CNIH3: variants seen among roughly 807,000 people sequenced by gnomAD.
The protein encoded by CNIH3 is protein cornichon homolog 3.
In CNIH3, 14 loss-of-function variants were observed where a neutral mutation model predicts 24.1. The ratio of observed to expected loss-of-function variants is 0.58; its 90% CI spans 0.38 to 0.91. The LOEUF (loss-of-function observed/expected upper bound fraction) is 0.91. Among genes scored for constraint, CNIH3 ranks in the 40% least tolerant of loss-of-function variants. The pLI, the probability that CNIH3 is intolerant of heterozygous loss-of-function variation, is 0.00. For missense variants in CNIH3, 178 were observed against 196.8 expected, an observed-to-expected ratio of 0.90 and a Z score of 0.57; for synonymous variants, 68 against 73.8, an observed-to-expected ratio of 0.92 and a Z score of 0.40.
At chr1:224,452,602 A>T (rs1329484144) in intron 1 of CNIH3, among the ~76,000 whole-genome samples, 1 of 151,156 alleles carries the variant, frequency 6.6e-6, no homozygotes, top group Non-Finnish European at 1.5e-5. Context: ...TAACACGGTG[A>T]AACCCCGTCT....
chr1:224,692,402 C>T (rs1384666476), intron 3 of CNIH3, among the ~76,000 whole-genome samples: 11 of 152,154 alleles, frequency 7.2e-5, no homozygotes, highest in African/African-American at 2.7e-4. Context: ...TTCTTTTTAG[C>T]TGTTAATACG....
chr1:224,584,184 T>C (rs1350739375), intron 5 of CNIH3, among the ~76,000 whole-genome samples: 1 of 152,236 alleles, frequency 6.6e-6, no homozygotes, highest in Non-Finnish European at 1.5e-5. Flanking sequence ...AAATCTCAGC[T>C]TGAGTTTTGT....
chr1:224,488,477 G>A (rs1340990599), intron 1 of CNIH3, among the ~76,000 whole-genome samples: 1 of 124,594 alleles, frequency 8.0e-6, no homozygotes, highest in Non-Finnish European at 1.6e-5. Context: ...GGGGGGTGGG[G>A]GGGAACAGAG....
intron 1 of CNIH3, among the ~76,000 whole-genome samples, chr1:224,639,956 T>A (rs774596703): frequency 6.6e-6 from 1 of 152,224 alleles, no homozygotes. Context: ...TATTGAGTTA[T>A]GATTTTGCCT....
At chr1:224,436,171 T>C (rs982431372) in intron 1 of CNIH3, among the ~76,000 whole-genome samples, 1 of 152,202 alleles carries the variant, frequency 6.6e-6, no homozygotes, top group Non-Finnish European at 1.5e-5. Flanking sequence ...AGGTGGCAGC[T>C]GTAATTGCAA....
intron 2 of CNIH3, among the ~76,000 whole-genome samples, chr1:224,531,045 CG>C (rs1200653811): frequency 6.6e-6 from 1 of 152,106 alleles, no homozygotes; most frequent in Non-Finnish European, 1.5e-5. Context: ...GGGTTCAGGG[CG>C]TAGGGCCTCT....
At chr1:224,600,348 C>T (rs1682155415) in intron 3 of CNIH3, among the ~76,000 whole-genome samples, 1 of 152,080 alleles carries the variant, frequency 6.6e-6, no homozygotes, top group African/African-American at 2.4e-5. Flanking sequence ...CACCACCATG[C>T]CTGGCTAATT....
intron 4 of CNIH3, among the ~76,000 whole-genome samples, chr1:224,731,463 C>T (rs1052110480): frequency 2.0e-5 from 3 of 152,104 alleles, no homozygotes; most frequent in Admixed American, 6.6e-5. Context: ...AAGGTATTTG[C>T]GCAGATAAGT....
At chr1:224,691,138 C>T (rs1686912096) in intron 3 of CNIH3, among the ~76,000 whole-genome samples, 1 of 152,238 alleles carries the variant, frequency 6.6e-6, no homozygotes, top group Admixed American at 6.5e-5. Context: ...CCTCCCCTCT[C>T]TCCAGGACTG....
chr1:224,730,509 C>G lies in CNIH3; in HGVS notation c.246C>G (p.Phe82Leu). 6.4e-7 allele frequency: 1 copy of G among 1,562,078 alleles called. No individual in the cohort carries two copies. The highest frequency in any genetic ancestry group is 8.7e-7 in the Non-Finnish European group (1 of 1,151,636). ...TCCATAGCCTCTTCTGCATTATGTT[C>G]CTGTGTGCGCAAGAGTGGCTCACGC... ...YSIHSLFCIM[F>L]LCAQEWLTLG... Residue 82 changes from phenylalanine (F) to leucine (L), a missense_variant, in exon 4 of 6, where the codon TTC (phenylalanine) becomes TTG (leucine). Phe to Leu is a conservative substitution (Grantham distance 22). Transcript: ENST00000272133.
chr1:224,481,215 C>T (rs997262994), intron 1 of CNIH3, among the ~76,000 whole-genome samples: 5 of 152,216 alleles, frequency 3.3e-5, no homozygotes, highest in African/African-American at 1.2e-4. Flanking sequence ...TGGGAAAGAC[C>T]TGCCCCTATG....
chr1:224,589,317 A>G (rs183872447), downstream of CNIH3, among the ~76,000 whole-genome samples: 11 of 152,334 alleles, frequency 7.2e-5, no homozygotes, highest in Admixed American at 3.9e-4. Context: ...AAGATTTAAC[A>G]CATTATAGAA....
intron 1 of CNIH3, among the ~76,000 whole-genome samples, chr1:224,505,802 T>C (rs1677884558): frequency 6.6e-6 from 1 of 152,220 alleles, no homozygotes; most frequent in Admixed American, 6.5e-5. Context: ...ACCAACAGCA[T>C]ATGAACCATT....
At chr1:224,546,048 C>A (rs920910748) in intron 2 of CNIH3, among the ~76,000 whole-genome samples, 10 of 152,100 alleles carry the variant, frequency 6.6e-5, no homozygotes, top group Admixed American at 1.3e-4. Flanking sequence ...TTAGAGCCCA[C>A]CCTAATGACC....
At chr1:224,485,147 C>T (rs2124831036) in intron 1 of CNIH3, among the ~76,000 whole-genome samples, 1 of 152,268 alleles carries the variant, frequency 6.6e-6, no homozygotes, top group South Asian at 2.1e-4. Flanking sequence ...TGTTACATAC[C>T]TGCCCTTCGT....
At chr1:224,452,236 G>A (rs895390082) in intron 1 of CNIH3, among the ~76,000 whole-genome samples, 38 of 149,220 alleles carry the variant, frequency 2.5e-4, no homozygotes, top group African/African-American at 9.2e-4. Context: ...TGCAACCTTC[G>A]CCTCCCGGGT....
In CNIH3 at chr1:224,443,655, T is replaced by TTATA. The variant is rs201657350; in HGVS notation, n.203+8800_203+8803dup. ...ATAGGTAAATGATTGCTCTGCCCAA[T>TTATA]TATATATATAGATAGATAGATAGAT... On this transcript the variant is annotated intron_variant and non_coding_transcript_variant, in intron 1 of 5. Transcript: ENST00000471578. Among the ~76,000 whole-genome samples, 981 of 144,092 alleles carry TTATA rather than the reference T, an allele frequency of 6.8e-3. 5 individuals are homozygous for TTATA. Among genetic ancestry groups the TTATA allele is most frequent in the African/African-American group, 0.026 (914 of 34,968 alleles). 94.5% of individuals were successfully genotyped at this position (144,092 alleles called of 152,430 possible). A position where few individuals can be genotyped will look rare whatever the true frequency, so the allele number is the denominator to read the frequency against.
chr1:224,495,527 G>C (rs1572358593), intron 1 of CNIH3, among the ~76,000 whole-genome samples: 1 of 152,234 alleles, frequency 6.6e-6, no homozygotes, highest in African/African-American at 2.4e-5. Context: ...CTTTAATGGA[G>C]TGTTTGTGTA....
At chr1:224,438,206 G>A (rs1241593502) in intron 1 of CNIH3, among the ~76,000 whole-genome samples, 14 of 151,528 alleles carry the variant, frequency 9.2e-5, no homozygotes, top group Non-Finnish European at 2.1e-4. Context: ...TTACAGGTGT[G>A]AGCCACCATG....
Sources: allele counts gnomAD v4.1 joint callset (sites outside exome capture counted in the v4.1 genomes callset), GRCh38; gene constraint gnomAD v4.1.1; transcripts MANE v1.5; gene names NCBI Gene and HGNC (gene_info 2026-07-23, HGNC 2026-07-21).